Variants in ASB3 observed in about 807,000 individuals in gnomAD.
ASB3 encodes ankyrin repeat and SOCS box containing 3.
Under a neutral mutation model 54.5 loss-of-function variants are expected in ASB3, and 41 were observed. That is an observed-to-expected ratio of 0.75 (90% confidence interval 0.59 to 0.98). The LOEUF is 0.98. ASB3 is among the 50% of genes least tolerant of loss of function. The probability of loss-of-function intolerance (pLI) is 0.00; values close to 1 mark genes in which losing one functional copy is unlikely to be tolerated. For missense variants in ASB3, 733 were observed against 620.0 expected, an observed-to-expected ratio of 1.18 and a Z score of -1.94; for synonymous variants, 266 against 221.2, an observed-to-expected ratio of 1.20 and a Z score of -1.80.
At chr2:53,761,329 A>G (rs1673132940) in intron 2 of ASB3, among the ~76,000 whole-genome samples, 1 of 152,172 alleles carries the variant, frequency 6.6e-6, no homozygotes, top group Non-Finnish European at 1.5e-5. Context: ...AATGATCAGG[A>G]TATAAACTCA....
At chr2:53,747,718 T>C (rs1364783682) in intron 3 of ASB3, among the ~76,000 whole-genome samples, 1 of 152,140 alleles carries the variant, frequency 6.6e-6, no homozygotes, top group Non-Finnish European at 1.5e-5. Flanking sequence ...AATCCCTGCC[T>C]TAATGGAACA....
intron 9 of ASB3, among the ~76,000 whole-genome samples, chr2:53,674,043 A>T (rs535947141): frequency 1.3e-5 from 2 of 152,354 alleles, no homozygotes; most frequent in African/African-American, 4.8e-5. Flanking sequence ...CAAAATCCCT[A>T]TGAAAGTTTT....
At chr2:53,764,396 C>T (rs559463293) in intron 2 of ASB3, among the ~76,000 whole-genome samples, 2 of 152,214 alleles carry the variant, frequency 1.3e-5, no homozygotes, top group South Asian at 4.1e-4. Context: ...TATTATGTAA[C>T]CTTTTACAAG....
At chr2:53,762,907 C>G (rs918588798) in intron 2 of ASB3, among the ~76,000 whole-genome samples, 5 of 152,184 alleles carry the variant, frequency 3.3e-5, no homozygotes, top group African/African-American at 1.2e-4. Context: ...GTATGGTACT[C>G]AGAATGGATT....
chr2:53,693,446 G>C (rs1669020736), intron 9 of ASB3, among the ~76,000 whole-genome samples: 1 of 151,970 alleles, frequency 6.6e-6, no homozygotes, highest in Non-Finnish European at 1.5e-5. Flanking sequence ...GTAAGGATAG[G>C]TATAAAGAAT....
In ASB3 at chr2:53,730,995, T is replaced by A. The variant is rs1671275099; in HGVS notation, c.356-1425A>T. 2.0e-5 allele frequency among the ~76,000 whole-genome samples: 3 copies of A among 152,184 alleles called. No individual in the cohort carries two copies. The South Asian group carries it at 6.2e-4, about 32-fold the overall frequency. On this transcript the variant is annotated intron_variant, in intron 3 of 9. Coordinates refer to ENST00000263634, the MANE Select transcript of ASB3 (RefSeq NM_016115.5). Reference sequence around the variant, plus strand: ...CTTAAAAGTGTAAAACAAGAAATGATAAGCGTGCTTATTACTGAAGACAAG... The same window carrying A: ...CTTAAAAGTGTAAAACAAGAAATGAAAAGCGTGCTTATTACTGAAGACAAG...
intron 6 of ASB3, 98 bp downstream of exon 6, chr2:53,716,468 T>A (rs1160168248): frequency 1.4e-6 from 2 of 1,439,474 alleles, no homozygotes; most frequent in African/African-American, 2.8e-5. Flanking sequence ...GAAGAGAATA[T>A]CAAAGACTTT....
In ASB3 at chr2:53,753,557, C is replaced by T. The variant is rs1370219992; in HGVS notation, c.197-2616G>A. Among the ~76,000 whole-genome samples, 3 of 151,998 alleles carry T rather than the reference C, an allele frequency of 2.0e-5. No individual in the cohort carries two copies. The East Asian group carries it at 5.8e-4, about 29-fold the overall frequency. ...GGGTTATAATATATAAATATATGTT[C>T]TAGATCTGTCTGCTGAAAGGGCTTA... On this transcript the variant is annotated intron_variant, in intron 2 of 9. Coordinates refer to ENST00000263634, the MANE Select transcript of ASB3 (RefSeq NM_016115.5).
Position 53,714,497 on chromosome 2 carries a change from A to G in ASB3, c.867T>C (p.Phe289=), listed in dbSNP as rs113218358. The G allele has an allele frequency of 7.4e-6, 12 of 1,614,116 alleles. No homozygotes were observed. The highest frequency in any genetic ancestry group is 1.6e-4 in the Middle Eastern group (1 of 6,082). The part of the protein sequence containing the change: ...NKVSPVYSAV[F]GGHEDCLEIL... The stretch of plus-strand genomic sequence containing the variant: ...TTTCTAGGCAATCTTCATGTCCCCC[A>G]AACACTGCTGAGTAAACAGGGCTTA... The change falls in exon 7 of 10, where the codon TTT becomes TTC. Residue 289 remains phenylalanine, a synonymous_variant. Transcript: ENST00000263634.
intron 9 of ASB3, among the ~76,000 whole-genome samples, chr2:53,684,133 T>G (rs146155004): frequency 1.5e-3 from 231 of 152,324 alleles, no homozygotes; most frequent in African/African-American, 5.3e-3. Flanking sequence ...ACAGCTGACA[T>G]GTAATCAAGG....
chr2:53,681,332 G>C (rs1352583227), intron 9 of ASB3, among the ~76,000 whole-genome samples: 3 of 152,262 alleles, frequency 2.0e-5, no homozygotes, highest in Admixed American at 6.5e-5. Context: ...TCTTCTCTTT[G>C]TTGACCGTTT....
intron 7 of ASB3, among the ~76,000 whole-genome samples, chr2:53,710,520 T>C (rs1214724747): frequency 1.3e-5 from 2 of 152,186 alleles, no homozygotes; most frequent in African/African-American, 2.4e-5. Context: ...GATTTAGTAA[T>C]GTTTTATCAG....
In ASB3 at chr2:53,750,768, A is replaced by G. The variant is rs772637804; in HGVS notation, c.355+15T>C. ...TGATGAAAAATTGCATCTGCACCAC[A>G]AATAGCATACTTACCTAAAAACAAT... On this transcript the variant is annotated intron_variant, in intron 3 of 9. Transcript: ENST00000263634. 3 of 1,506,550 alleles carry G rather than the reference A, an allele frequency of 2.0e-6. No individual in the cohort carries two copies. In the South Asian group the frequency reaches 4.2e-5, roughly 21 times the overall value. 93.3% of individuals were successfully genotyped at this position (1,506,550 alleles called of 1,614,324 possible). A position where few individuals can be genotyped will look rare whatever the true frequency, so the allele number is the denominator to read the frequency against.
At chr2:53,745,757 A>C (rs1340113652) in intron 3 of ASB3, among the ~76,000 whole-genome samples, 2 of 152,116 alleles carry the variant, frequency 1.3e-5, no homozygotes, top group African/African-American at 4.8e-5. Context: ...GAGGGAGAGA[A>C]ACAAAATACC....
chr2:53,731,781 T>A (rs563083323), intron 3 of ASB3, among the ~76,000 whole-genome samples: 1 of 152,100 alleles, frequency 6.6e-6, no homozygotes, highest in South Asian at 2.1e-4. Flanking sequence ...GCCTCCCAAG[T>A]CGCTGGGATT....
At chr2:53,695,282 C>T (rs1572857646) in intron 8 of ASB3, among the ~76,000 whole-genome samples, 2 of 152,126 alleles carry the variant, frequency 1.3e-5, no homozygotes, top group South Asian at 4.1e-4. Context: ...ATTCTTAATT[C>T]TCCAATAAGC....
chr2:53,714,793 T>C (rs1670295263), intron 6 of ASB3, among the ~76,000 whole-genome samples: 1 of 152,196 alleles, frequency 6.6e-6, no homozygotes, highest in Admixed American at 6.5e-5. Flanking sequence ...AATAAAAAGG[T>C]CTTTAAATAC....
chr2:53,750,498 C>T (rs557771461), intron 3 of ASB3, among the ~76,000 whole-genome samples: 7 of 152,012 alleles, frequency 4.6e-5, no homozygotes, highest in African/African-American at 7.2e-5. Context: ...TTAAGTGATA[C>T]CTGGTCTTCA....
At chr2:53,731,933 G>A (rs769086309) in intron 3 of ASB3, among the ~76,000 whole-genome samples, 87 of 150,398 alleles carry the variant, frequency 5.8e-4, no homozygotes, top group Admixed American at 2.6e-3. Context: ...GATTACAGGC[G>A]TGAGCCATCA....
Sources: allele counts gnomAD v4.1 joint callset (sites outside exome capture counted in the v4.1 genomes callset), GRCh38; gene constraint gnomAD v4.1.1; transcripts MANE v1.5; gene names NCBI Gene and HGNC (gene_info 2026-07-23, HGNC 2026-07-21).